Variants in KLHL20 observed in about 807,000 individuals in gnomAD.
KLHL20 encodes kelch-like protein 20.
Under a neutral mutation model 69.5 loss-of-function variants are expected in KLHL20, and 29 were observed. The observed-to-expected ratio is 0.42, with a 90% CI of 0.31 to 0.57. The LOEUF (loss-of-function observed/expected upper bound fraction) is 0.57, where lower values mean the gene tolerates loss of function less well. Ranked by LOEUF, KLHL20 falls within the 20% of genes least tolerant of loss-of-function variation. The pLI is 0.18. For synonymous variants in KLHL20, 253 were observed against 265.2 expected (o/e 0.95, Z 0.45); for missense variants, 419 against 776.0 (o/e 0.54, Z 5.47).
At chr1:173,775,339 G>T (rs1648385059) in intron 9 of KLHL20, among the ~76,000 whole-genome samples, 1 of 152,114 alleles carries the variant, frequency 6.6e-6, no homozygotes, top group Non-Finnish European at 1.5e-5. Context: ...CCCATTTAAC[G>T]ATAAGGAGAG....
At chr1:173,773,707 C>T (rs935631830) in intron 8 of KLHL20, among the ~76,000 whole-genome samples, 2 of 151,826 alleles carry the variant, frequency 1.3e-5, no homozygotes, top group African/African-American at 4.8e-5. Flanking sequence ...ACTAAAATTC[C>T]ATTGAAGAAA....
At chr1:173,766,380 C>T (rs1647710015) in intron 8 of KLHL20, 91 bp downstream of exon 8, 9 of 1,229,644 alleles carry the variant, frequency 7.3e-6, no homozygotes, top group Non-Finnish European at 9.9e-6. Context: ...CGTGGTGGCT[C>T]ACACCTGTAA....
intron 7 of KLHL20, among the ~76,000 whole-genome samples, chr1:173,760,534 A>C (rs1673753768): frequency 3.9e-5 from 6 of 152,340 alleles, no homozygotes; most frequent in African/African-American, 1.4e-4. Flanking sequence ...CAGAAACCCT[A>C]TAAGCTAGAA....
intron 2 of KLHL20, among the ~76,000 whole-genome samples, chr1:173,729,829 C>T (rs1440360819): frequency 2.0e-5 from 3 of 152,200 alleles, no homozygotes; most frequent in Non-Finnish European, 2.9e-5. Flanking sequence ...TGCCCTCTCT[C>T]ACCACTCCTA....
chr1:173,775,171 T>C (rs1571931654), intron 9 of KLHL20, among the ~76,000 whole-genome samples: 1 of 152,126 alleles, frequency 6.6e-6, no homozygotes, highest in East Asian at 1.9e-4. Flanking sequence ...ATATTGTCAA[T>C]GTGACAGTCA....
At chr1:173,721,719 A>G (rs769853845) in intron 2 of KLHL20, among the ~76,000 whole-genome samples, 3 of 152,252 alleles carry the variant, frequency 2.0e-5, no homozygotes, top group Non-Finnish European at 2.9e-5. Context: ...AAAGAGGTTA[A>G]TAGCTTGGCC....
intron 3 of KLHL20, among the ~76,000 whole-genome samples, chr1:173,739,096 G>T (rs1672671185): frequency 6.6e-6 from 1 of 151,580 alleles, no homozygotes; most frequent in South Asian, 2.1e-4. Context: ...TTTTGGAGAT[G>T]GAGTCTTGCT....
chr1:173,720,512 A>G lies in KLHL20; in HGVS notation c.23+4446A>G, dbSNP rs575339879. Among the ~76,000 whole-genome samples, 3 of 152,356 alleles carry G rather than the reference A, an allele frequency of 2.0e-5. No homozygotes were observed. In the South Asian group the frequency reaches 6.2e-4, roughly 32 times the overall value. ...CCTTTAGGTATTTAAGAGCCAATGG[A>G]CATTATTATATACATCGTTTGTTCT... On this transcript the variant is annotated intron_variant, in intron 2 of 11. Transcript: ENST00000209884.
At chr1:173,773,173 C>T (rs963938667) in intron 8 of KLHL20, among the ~76,000 whole-genome samples, 2 of 151,488 alleles carry the variant, frequency 1.3e-5, no homozygotes, top group African/African-American at 2.4e-5. Context: ...TCTGTGTTGA[C>T]GAGGCTGGTC....
intron 3 of KLHL20, among the ~76,000 whole-genome samples, chr1:173,737,170 G>A (rs754579435): frequency 6.6e-6 from 1 of 152,194 alleles, no homozygotes; most frequent in African/African-American, 2.4e-5. Context: ...CTCCCACTCC[G>A]TGGGTTGTCT....
chr1:173,723,564 A>T (rs1314850789), intron 2 of KLHL20, among the ~76,000 whole-genome samples: 1 of 152,144 alleles, frequency 6.6e-6, no homozygotes, highest in African/African-American at 2.4e-5. Context: ...GTGTTTTATT[A>T]TACTGTAGTT....
chr1:173,736,593 CTT>C (rs879443836), intron 3 of KLHL20, among the ~76,000 whole-genome samples: 5 of 143,638 alleles, frequency 3.5e-5, no homozygotes, highest in Middle Eastern at 3.5e-3. Context: ...ATGCCAACAT[CTT>C]TTTTTTTTTT....
chr1:173,731,711 C>A (rs959293849), intron 2 of KLHL20, among the ~76,000 whole-genome samples: 3 of 98,078 alleles, frequency 3.1e-5, no homozygotes, highest in Non-Finnish European at 5.7e-5. Context: ...ACACCAGGGC[C>A]TGTTGTGTTG....
intron 10 of KLHL20, among the ~76,000 whole-genome samples, chr1:173,778,509 T>TG (rs60998488): frequency 4.4e-5 from 4 of 89,940 alleles, no homozygotes; most frequent in African/African-American, 1.2e-4. Flanking sequence ...TTGTTTTTTG[T>TG]TTTTTTTTTG....
At chr1:173,752,728 G>A (rs962846219) in intron 4 of KLHL20, among the ~76,000 whole-genome samples, 1 of 152,172 alleles carries the variant, frequency 6.6e-6, no homozygotes, top group Non-Finnish European at 1.5e-5. Flanking sequence ...AGCTTATAAT[G>A]TCTTGCTGAA....
intron 3 of KLHL20, among the ~76,000 whole-genome samples, chr1:173,735,934 A>ATTTTTTTT (rs1558190601): frequency 7.9e-6 from 1 of 126,956 alleles, no homozygotes. Context: ...ATGCCATTCT[A>ATTTTTTTT]TCTTTTTTTT....
At chr1:173,766,479 CA>C (rs1216941305) in intron 8 of KLHL20, among the ~76,000 whole-genome samples, 190 bp downstream of exon 8, 2,650 of 99,342 alleles carry the variant, frequency 0.027, 50 homozygotes, top group African/African-American at 0.081. Context: ...ATAAAAAATA[CA>C]AAAAAAAAAA....
At chr1:173,779,526 T>G (rs1414244925) in intron 10 of KLHL20, among the ~76,000 whole-genome samples, 1 of 152,010 alleles carries the variant, frequency 6.6e-6, no homozygotes, top group African/African-American at 2.4e-5. Context: ...AACTTTTGTA[T>G]TTTTAGTAGA....
At chr1:173,730,485 G>A (rs936361657) in intron 2 of KLHL20, among the ~76,000 whole-genome samples, 2 of 152,146 alleles carry the variant, frequency 1.3e-5, no homozygotes, top group African/African-American at 4.8e-5. Context: ...CAAGGCTACA[G>A]TAACCAAAAC....
Sources: gnomAD v4.1 joint callset for allele counts (sites outside exome capture counted in the v4.1 genomes callset) on GRCh38, gnomAD v4.1.1 for gene constraint, MANE v1.5 for transcripts, NCBI Gene and HGNC (gene_info 2026-07-23, HGNC 2026-07-21) for gene names.